The following DDR2 variants were observed in gnomAD, a reference collection of about 807,000 sequenced individuals.
The protein encoded by DDR2 is discoidin domain receptor tyrosine kinase 2, also known as discoidin domain-containing receptor 2.
A neutral mutation model predicts 94.9 loss-of-function variants in DDR2; 27 were observed. The ratio of observed to expected loss-of-function variants is 0.28; its 90% CI spans 0.21 to 0.39. DDR2 has a LOEUF of 0.39. Ranked by LOEUF, DDR2 falls within the 10% of genes least tolerant of loss-of-function variation. The probability of loss-of-function intolerance (pLI) is 1.00; values close to 1 mark genes in which losing one functional copy is unlikely to be tolerated. For synonymous variants in DDR2, 382 were observed against 377.2 expected (o/e 1.01, Z -0.15); for missense variants, 783 against 1,076.0 (o/e 0.73, Z 3.81).
chr1:162,712,440 C>CT (rs1005956492), intron 2 of DDR2, among the ~76,000 whole-genome samples: 1 of 151,852 alleles, frequency 6.6e-6, no homozygotes, highest in African/African-American at 2.4e-5. Flanking sequence ...CAGACTCTTG[C>CT]TTTTTTCTTT....
At position 162,775,739 on chromosome 1, in the gene DDR2, C is replaced by A. The variant is rs2102195910; in HGVS notation, c.1944C>A (p.Asp648Glu). The A allele has an allele frequency of 1.9e-6, 3 of 1,614,116 alleles. No homozygotes were observed. Among genetic ancestry groups the A allele is most frequent in the Non-Finnish European group, 1.7e-6 (2 of 1,179,990 alleles). The change falls in exon 15 of 18, where the codon GAC becomes GAA. Residue 648 changes from aspartate (D) to glutamate (E), a missense_variant. By Grantham distance (45) the Asp-to-Glu change is conservative. Transcript: ENST00000367921. ...IHLLAVCITD[D>E]PLCMITEYME... ...TATTAGCTGTGTGTATCACTGATGA[C>A]CCTCTCTGTATGATCACTGAATACA...
rs974675512 is a variant in DDR2, at chr1:162,783,064, G to A, written c.*2818G>A. ...AATTTGAATTAGAAGAATGAAGCTAGGACTTATTTGGAAAAGGAGATAGAA... is the reference window on the plus strand; with the variant it reads ...AATTTGAATTAGAAGAATGAAGCTAAGACTTATTTGGAAAAGGAGATAGAA... On this transcript the variant is annotated 3_prime_UTR_variant, in exon 18 of 18. Transcript: ENST00000367921. 4 of 152,134 alleles carry A rather than the reference G, an allele frequency of 2.6e-5. No homozygotes were observed. The highest frequency in any genetic ancestry group is 9.7e-5 in the African/African-American group (4 of 41,410). The allele number at this position is 152,134 out of a possible 1,614,324, so 9.4% of individuals were successfully genotyped here. A position where few individuals can be genotyped will look rare whatever the true frequency, so the allele number is the denominator to read the frequency against.
chr1:162,724,076 A>G (rs1661541943), intron 3 of DDR2, among the ~76,000 whole-genome samples: 1 of 152,204 alleles, frequency 6.6e-6, no homozygotes, highest in Non-Finnish European at 1.5e-5. Context: ...AATGGACCTT[A>G]GAAATATCTA....
At chr1:162,702,749 G>A (rs947078065) in intron 2 of DDR2, among the ~76,000 whole-genome samples, 2 of 152,170 alleles carry the variant, frequency 1.3e-5, no homozygotes, top group African/African-American at 4.8e-5. Context: ...ACATTATGAA[G>A]GACTAAGAAA....
intron 2 of DDR2, among the ~76,000 whole-genome samples, chr1:162,675,494 T>G (rs1236578063): frequency 1.3e-5 from 2 of 152,150 alleles, no homozygotes; most frequent in African/African-American, 4.8e-5. Context: ...AGCCTGGAGG[T>G]GGCTTGGGGC....
intron 2 of DDR2, among the ~76,000 whole-genome samples, chr1:162,678,847 T>A (rs770083287): frequency 2.0e-5 from 3 of 152,114 alleles, no homozygotes; most frequent in Non-Finnish European, 2.9e-5. Context: ...CTCAGTGGAG[T>A]CAGAGTCCTG....
At chr1:162,771,194 T>A (rs909827647) in intron 12 of DDR2, among the ~76,000 whole-genome samples, 1 of 152,188 alleles carries the variant, frequency 6.6e-6, no homozygotes, top group African/African-American at 2.4e-5. Flanking sequence ...CAGAGTCATA[T>A]CAGAAGGGAA....
At chr1:162,773,730 C>A in intron 14 of DDR2, 134 bp downstream of exon 14, 2 of 1,225,668 alleles carry the variant, frequency 1.6e-6, no homozygotes, top group African/African-American at 1.5e-5. Flanking sequence ...CCACTGTTAT[C>A]CTTTTTCTTA....
chr1:162,691,158 G>A (rs1319427337), intron 2 of DDR2, among the ~76,000 whole-genome samples: 1 of 152,142 alleles, frequency 6.6e-6, no homozygotes, highest in Non-Finnish European at 1.5e-5. Context: ...GGCCTTGTGA[G>A]TTCGATGAGC....
chr1:162,719,717 ATTAT>A (rs1312895006), intron 3 of DDR2, among the ~76,000 whole-genome samples: 3 of 152,200 alleles, frequency 2.0e-5, no homozygotes, highest in African/African-American at 7.2e-5. Flanking sequence ...AAATAATTGT[ATTAT>A]TTATTACACA....
rs150920581 is a variant in DDR2, at chr1:162,770,360, C to T, written c.1352C>T (p.Ser451Phe). ...MTVSLSLPSD[S>F]SMFNNNRSSS... ...GTCAGCCTTTCCCTGCCAAGTGATTCTAGCATGTTCAACAATAACCGCTCC... is the reference window on the plus strand; with the variant it reads ...GTCAGCCTTTCCCTGCCAAGTGATTTTAGCATGTTCAACAATAACCGCTCC... Residue 451 changes from serine to phenylalanine, a missense_variant, in exon 12 of 18, where the codon TCT becomes TTT. By Grantham distance (155) the Ser-to-Phe change is radical. Transcript: ENST00000367921. 6.2e-6 allele frequency: 10 copies of T among 1,614,058 alleles called. No homozygotes were observed. The highest frequency in any genetic ancestry group is 6.8e-6 in the Non-Finnish European group (8 of 1,179,992).
chr1:162,754,950 G>A, intron 5 of DDR2, 95 bp downstream of exon 5: 6 of 1,469,858 alleles, frequency 4.1e-6, no homozygotes, highest in Non-Finnish European at 5.7e-6. Flanking sequence ...GTGGATATGT[G>A]TGTCCACAGA....
In DDR2 at chr1:162,767,378, G is replaced by A. The variant is rs762718143; in HGVS notation, c.1293+19G>A. 3 of 1,613,350 alleles carry A rather than the reference G, an allele frequency of 1.9e-6. No homozygotes were observed. The East Asian group carries it at 6.7e-5, about 36-fold the overall frequency. Reference sequence around the variant, plus strand: ...GGAGAAGGTGAGGAGGTGCAGAATGGTCATGATATAAGAAACTGCTCCTTT... The same window carrying A: ...GGAGAAGGTGAGGAGGTGCAGAATGATCATGATATAAGAAACTGCTCCTTT... On this transcript the variant is annotated intron_variant, in intron 11 of 17. Transcript: ENST00000367921.
At position 162,776,493 on chromosome 1, in the gene DDR2, T is replaced by A. The variant is rs192944093; in HGVS notation, c.2283+123T>A. On this transcript the variant is annotated intron_variant, in intron 16 of 17. Coordinates refer to ENST00000367921, the MANE Select transcript of DDR2 (RefSeq NM_006182.4). ...CAATAGACTGTAGTATTTTCTCTGATTTGAAATTATTTTCTTTGTGTACTA... is the reference window on the plus strand; with the variant it reads ...CAATAGACTGTAGTATTTTCTCTGAATTGAAATTATTTTCTTTGTGTACTA... 4 of 823,952 alleles carry A rather than the reference T, an allele frequency of 4.9e-6. No individual in the cohort carries two copies. The East Asian group carries it at 1.1e-4, about 22-fold the overall frequency. The allele number at this position is 823,952 out of a possible 1,614,324, so 51.0% of individuals were successfully genotyped here.
Position 162,780,998 on chromosome 1 carries a change from AT to A in DDR2, c.*753del, listed in dbSNP as rs1202666763. 6.6e-6 allele frequency: 1 copy of A among 152,290 alleles called. No homozygotes were observed. The highest frequency in any genetic ancestry group is 1.5e-5 in the Non-Finnish European group (1 of 68,102). The allele number at this position is 152,290 out of a possible 1,614,324, so 9.4% of individuals were successfully genotyped here. A position where few individuals can be genotyped will look rare whatever the true frequency, so the allele number is the denominator to read the frequency against. On this transcript the variant is annotated 3_prime_UTR_variant, in exon 18 of 18. Transcript: ENST00000367921. ...ACCTCATGGATGGAAGGATTCATGA[AT>A]AGATAATGGACATAGGAAAGGAGGT...
intron 14 of DDR2, among the ~76,000 whole-genome samples, chr1:162,774,331 T>C (rs1321390055): frequency 6.6e-6 from 1 of 152,256 alleles, no homozygotes; most frequent in East Asian, 1.9e-4. Context: ...GGATAACATA[T>C]GCATTTTCCC....
chr1:162,761,905 A>G (rs766118255), intron 9 of DDR2, among the ~76,000 whole-genome samples: 2 of 152,196 alleles, frequency 1.3e-5, no homozygotes, highest in Non-Finnish European at 2.9e-5. Context: ...TGGCTGTAGC[A>G]TTTTAAAGCA....
intron 3 of DDR2, among the ~76,000 whole-genome samples, chr1:162,734,309 C>A (rs2684883): frequency 1.0e-3 from 158 of 152,248 alleles, no homozygotes; most frequent in Non-Finnish European, 2.1e-3. Flanking sequence ...TGTTTTTAAG[C>A]CTTGTAAAGT....
intron 3 of DDR2, among the ~76,000 whole-genome samples, chr1:162,728,837 A>G (rs1486122441): frequency 6.6e-6 from 1 of 152,098 alleles, no homozygotes; most frequent in Non-Finnish European, 1.5e-5. Flanking sequence ...ATGGAGATCA[A>G]GAGATCTAGA....
Sources: allele counts gnomAD v4.1 joint callset (sites outside exome capture counted in the v4.1 genomes callset), GRCh38; gene constraint gnomAD v4.1.1; transcripts MANE v1.5; gene names NCBI Gene and HGNC (gene_info 2026-07-23, HGNC 2026-07-21).